Variants in PLEKHH2 observed in about 807,000 individuals in gnomAD.
PLEKHH2 encodes pleckstrin homology, MyTH4 and FERM domain containing H2.
PLEKHH2 carries 129 observed loss-of-function variants against 187.9 expected under a neutral mutation model. The ratio of observed to expected loss-of-function variants is 0.69; its 90% CI spans 0.59 to 0.79. PLEKHH2 has a LOEUF of 0.79. PLEKHH2 is among the 30% of genes least tolerant of loss of function. The pLI, the probability that PLEKHH2 is intolerant of heterozygous loss-of-function variation, is 0.00. For missense variants in PLEKHH2, 2,076 were observed against 1,751.2 expected, an observed-to-expected ratio of 1.19 and a Z score of -3.31; for synonymous variants, 686 against 605.6, an observed-to-expected ratio of 1.13 and a Z score of -1.95.
chr2:43,671,730 CACTTGACA>C (rs1667508200), intron 2 of PLEKHH2, among the ~76,000 whole-genome samples: 1 of 152,070 alleles, frequency 6.6e-6, no homozygotes. Flanking sequence ...CTTTTCTAGC[CACTTGACA>C]TGGTGAACTA....
intron 8 of PLEKHH2, 65 bp from the exon 9 acceptor site, chr2:43,703,916 C>CTTTT (rs10530805): frequency 5.7e-5 from 22 of 387,568 alleles, no homozygotes; most frequent in African/African-American, 3.1e-4. Flanking sequence ...TGAAAGTAGT[C>CTTTT]TTTTTTTTTT....
intron 2 of PLEKHH2, among the ~76,000 whole-genome samples, chr2:43,659,294 G>A (rs1666949259): frequency 6.6e-6 from 1 of 151,788 alleles, no homozygotes; most frequent in Non-Finnish European, 1.5e-5. Context: ...ACCAAGCCTG[G>A]CAAAGACTTT....
chr2:43,728,384 C>T (rs1405167605), intron 17 of PLEKHH2, among the ~76,000 whole-genome samples: 1 of 145,172 alleles, frequency 6.9e-6, no homozygotes, highest in African/African-American at 2.6e-5. Flanking sequence ...GAGGCTGAGG[C>T]AGGAGAATCA....
intron 21 of PLEKHH2, 52 bp downstream of exon 21, chr2:43,741,095 C>T (rs765359768): frequency 9.4e-6 from 14 of 1,485,528 alleles, no homozygotes; most frequent in African/African-American, 2.8e-5. Context: ...TGAAAGTCTA[C>T]GATAAATCAT....
chr2:43,725,057 G>T (rs900733379), intron 16 of PLEKHH2, among the ~76,000 whole-genome samples: 1 of 152,210 alleles, frequency 6.6e-6, no homozygotes, highest in African/African-American at 2.4e-5. Flanking sequence ...TTGTAGTAAA[G>T]ATGTCAGGGT....
chr2:43,727,187 GT>G lies in PLEKHH2; in HGVS notation c.2721+737del, dbSNP rs1295249400. Among the ~76,000 whole-genome samples the G allele has an allele frequency of 2.0e-5, 3 of 152,270 alleles. No individual in the cohort carries two copies. In the East Asian group the frequency reaches 5.8e-4, roughly 29 times the overall value. ...CCAGCACTTCGGGAGGCCGAGGCGG[GT>G]GGATCACAAGGTCAGGAAGATCGAG... On this transcript the variant is annotated intron_variant, in intron 17 of 29. Transcript: ENST00000282406.
intron 27 of PLEKHH2, among the ~76,000 whole-genome samples, chr2:43,761,957 A>G (rs1212251080): frequency 1.3e-5 from 2 of 152,144 alleles, no homozygotes; most frequent in Non-Finnish European, 2.9e-5. Flanking sequence ...TAGAAACCCT[A>G]AAAACTTGTT....
At position 43,710,017 on chromosome 2, in the gene PLEKHH2, A is replaced by C. The variant is rs1669875032; in HGVS notation, c.1994A>C (p.Glu665Ala). ...GTGTCTCTCTCCTCTGTGGCTTCTG[A>C]AAGTGATTATGCTATTCCTCCTGAT... ...RGVSLSSVASESDYAIPPDAY... is the reference protein window; with the variant it reads ...RGVSLSSVASASDYAIPPDAY... The change falls in exon 12 of 30, where the codon GAA becomes GCA. Residue 665 changes from glutamate to alanine, a missense_variant. By Grantham distance (107) the Glu-to-Ala change is moderately radical (BLOSUM62 -1). Coordinates refer to ENST00000282406, the MANE Select transcript of PLEKHH2 (RefSeq NM_172069.4). 1.9e-6 allele frequency: 3 copies of C among 1,612,516 alleles called. No individual in the cohort carries two copies. The South Asian group carries it at 3.3e-5, about 18-fold the overall frequency.
intron 15 of PLEKHH2, among the ~76,000 whole-genome samples, chr2:43,719,728 G>A (rs935210486): frequency 7.9e-5 from 12 of 152,200 alleles, no homozygotes; most frequent in Admixed American, 2.6e-4. Context: ...GTGAGCCACC[G>A]CGCACAGCCT....
chr2:43,710,979 C>T, intron 14 of PLEKHH2: 1 of 1,000,520 alleles, frequency 1.0e-6, no homozygotes, highest in Non-Finnish European at 1.2e-6. Context: ...AATGACAGTT[C>T]TTATATGAAC....
rs12479236 is a variant in PLEKHH2, at chr2:43,686,857, T to C, written c.187-5657T>C. On this transcript the variant is annotated intron_variant, in intron 3 of 29. Coordinates refer to ENST00000282406, the MANE Select transcript of PLEKHH2 (RefSeq NM_172069.4). ...GCTTTAAAAAGATATTTTATAAACA[T>C]ATGGCCTTCCCTTTCTTATGAGATC... 2.7e-3 allele frequency among the ~76,000 whole-genome samples: 416 copies of C among 152,358 alleles called. 5 individuals are homozygous for C. The highest frequency in any genetic ancestry group is 0.019 in the Admixed American group (292 of 15,306).
At chr2:43,643,041 G>A (rs1038928904) in intron 1 of PLEKHH2, among the ~76,000 whole-genome samples, 3 of 151,792 alleles carry the variant, frequency 2.0e-5, no homozygotes, top group East Asian at 3.8e-4. Flanking sequence ...TTCCCTGTTC[G>A]CTCTAAAGCT....
intron 9 of PLEKHH2, among the ~76,000 whole-genome samples, chr2:43,705,292 G>C (rs1476272629): frequency 9.2e-6 from 1 of 108,880 alleles, no homozygotes; most frequent in African/African-American, 3.6e-5. Flanking sequence ...GTCTTACTCT[G>C]TCACCCAGGT....
At chr2:43,672,749 A>AT (rs1046788845) in intron 2 of PLEKHH2, among the ~76,000 whole-genome samples, 2 of 151,946 alleles carry the variant, frequency 1.3e-5, no homozygotes, top group African/African-American at 4.8e-5. Flanking sequence ...TCTAACACCC[A>AT]TTTTTTTTCC....
At chr2:43,756,464 T>A (rs1397236579) in intron 25 of PLEKHH2, among the ~76,000 whole-genome samples, 2 of 152,090 alleles carry the variant, frequency 1.3e-5, no homozygotes, top group Admixed American at 1.3e-4. Flanking sequence ...GTCTGTTGCC[T>A]TTTATTTTTA....
chr2:43,699,306 A>G (rs1008880390), intron 7 of PLEKHH2, among the ~76,000 whole-genome samples: 1 of 152,218 alleles, frequency 6.6e-6, no homozygotes, highest in African/African-American at 2.4e-5. Flanking sequence ...TATAGTTTTC[A>G]AAAACTTGTG....
At chr2:43,727,191 A>T (rs770582109) in intron 17 of PLEKHH2, among the ~76,000 whole-genome samples, 12 of 152,152 alleles carry the variant, frequency 7.9e-5, no homozygotes, top group Non-Finnish European at 1.6e-4. Context: ...AGGCGGGTGG[A>T]TCACAAGGTC....
chr2:43,727,410 C>CAAAAAAAAAAAAAAAAAAA (rs57973493), intron 17 of PLEKHH2, among the ~76,000 whole-genome samples: 3 of 114,838 alleles, frequency 2.6e-5, no homozygotes, highest in Non-Finnish European at 5.2e-5. Flanking sequence ...GACTCCGTCT[C>CAAAAAAAAAAAAAAAAAAA]AAAAAAAAAA....
At chr2:43,732,408 C>T (rs7603323) in intron 19 of PLEKHH2, among the ~76,000 whole-genome samples, 61,719 of 151,832 alleles carry the variant, frequency 0.41, 14,605 homozygotes, top group African/African-American at 0.66. Context: ...AACTCACATT[C>T]TCTACCTGAA....
Sources: gnomAD v4.1 joint callset for allele counts (sites outside exome capture counted in the v4.1 genomes callset) on GRCh38, gnomAD v4.1.1 for gene constraint, MANE v1.5 for transcripts, NCBI Gene and HGNC (gene_info 2026-07-23, HGNC 2026-07-21) for gene names.